Variants in GPR158 observed in about 807,000 individuals in gnomAD.
GPR158 encodes G protein-coupled receptor 158.
In GPR158, 30 loss-of-function variants were observed where a neutral mutation model predicts 78.2. The observed-to-expected ratio is 0.38, with a 90% CI of 0.29 to 0.52. The LOEUF is 0.52. GPR158 is among the 20% of genes least tolerant of loss of function. The probability of loss-of-function intolerance (pLI) is 0.83; values close to 1 mark genes in which losing one functional copy is unlikely to be tolerated. For missense variants in GPR158, 1,463 were observed against 1,523.5 expected (o/e 0.96, Z 0.66); for synonymous variants, 581 against 591.1 (o/e 0.98, Z 0.25).
intron 5 of GPR158, among the ~76,000 whole-genome samples, chr10:25,533,648 G>A (rs897045104): frequency 3.3e-5 from 5 of 151,236 alleles, no homozygotes; most frequent in Admixed American, 2.6e-4. Context: ...TTACCTTGTC[G>A]GCAGTGTTCA....
At chr10:25,403,580 G>A (rs1205755479) in intron 3 of GPR158, among the ~76,000 whole-genome samples, 1 of 152,076 alleles carries the variant, frequency 6.6e-6, no homozygotes, top group African/African-American at 2.4e-5. Context: ...TTGGCATTCT[G>A]TGCATGGAGG....
chr10:25,480,031 C>G (rs1053100493), intron 5 of GPR158, among the ~76,000 whole-genome samples: 4 of 151,906 alleles, frequency 2.6e-5, no homozygotes, highest in South Asian at 2.1e-4. Context: ...TTTCATTTTT[C>G]TCCTCTACAT....
chr10:25,228,770 G>A (rs1856703), intron 2 of GPR158, among the ~76,000 whole-genome samples: 20,246 of 152,046 alleles, frequency 0.13, 1,793 homozygotes, highest in East Asian at 0.28. Flanking sequence ...GGTGGCTCAC[G>A]CCTGTAATCC....
intron 2 of GPR158, among the ~76,000 whole-genome samples, chr10:25,267,790 C>T (rs1428077498): frequency 6.6e-6 from 1 of 151,798 alleles, no homozygotes; most frequent in Non-Finnish European, 1.5e-5. Context: ...AATGATAGGG[C>T]CCAGACTCTT....
At chr10:25,188,206 GC>G (rs1461374655) in intron 1 of GPR158, among the ~76,000 whole-genome samples, 1 of 152,096 alleles carries the variant, frequency 6.6e-6, no homozygotes, top group African/African-American at 2.4e-5. Context: ...TGGCCATACT[GC>G]CCCAGGTAAA....
chr10:25,277,044 G>T (rs563306080), intron 2 of GPR158, among the ~76,000 whole-genome samples: 1 of 151,680 alleles, frequency 6.6e-6, no homozygotes, highest in Admixed American at 6.6e-5. Flanking sequence ...TGAACTCCTG[G>T]GCTCAAGGAA....
At chr10:25,526,850 C>T (rs1001935796) in intron 5 of GPR158, among the ~76,000 whole-genome samples, 2 of 152,182 alleles carry the variant, frequency 1.3e-5, no homozygotes, top group African/African-American at 4.8e-5. Flanking sequence ...TGGAAGCCCA[C>T]TCACAGGCTG....
chr10:25,347,599 G>T (rs1395460298), intron 2 of GPR158, among the ~76,000 whole-genome samples: 1 of 151,882 alleles, frequency 6.6e-6, no homozygotes, highest in Non-Finnish European at 1.5e-5. Flanking sequence ...AAAATACTTG[G>T]TGTGTATTTT....
At chr10:25,219,151 C>T (rs1458272833) in intron 1 of GPR158, among the ~76,000 whole-genome samples, 1 of 152,190 alleles carries the variant, frequency 6.6e-6, no homozygotes, top group Non-Finnish European at 1.5e-5. Context: ...GTCAGTAAGT[C>T]AACGAATGGT....
chr10:25,184,372 T>C (rs1049343075), intron 1 of GPR158, among the ~76,000 whole-genome samples: 1 of 152,150 alleles, frequency 6.6e-6, no homozygotes, highest in Non-Finnish European at 1.5e-5. Flanking sequence ...TTAATTTTAA[T>C]TTTTGTAGAG....
intron 5 of GPR158, among the ~76,000 whole-genome samples, chr10:25,509,670 G>C (rs181184329): frequency 7.9e-4 from 120 of 152,252 alleles, no homozygotes; most frequent in African/African-American, 2.8e-3. Context: ...GGCAATCCAA[G>C]GAGAACACAA....
intron 1 of GPR158, among the ~76,000 whole-genome samples, chr10:25,188,628 T>C (rs1450085508): frequency 6.6e-6 from 1 of 152,080 alleles, no homozygotes; most frequent in Non-Finnish European, 1.5e-5. Flanking sequence ...ATACAAAAAT[T>C]AATTCAAGAT....
intron 2 of GPR158, among the ~76,000 whole-genome samples, chr10:25,332,639 T>G (rs1035519262): frequency 3.3e-5 from 5 of 152,200 alleles, no homozygotes; most frequent in Non-Finnish European, 2.9e-5. Flanking sequence ...AGCCATACTT[T>G]CTGACTTTCA....
intron 2 of GPR158, among the ~76,000 whole-genome samples, chr10:25,281,126 ACT>A (rs1218843318): frequency 7.2e-6 from 1 of 138,182 alleles, no homozygotes; most frequent in African/African-American, 2.8e-5. Context: ...CAAGAGTGAA[ACT>A]CTATCTCAAA....
chr10:25,516,676 G>A (rs1421463527), intron 5 of GPR158, among the ~76,000 whole-genome samples: 3 of 114,004 alleles, frequency 2.6e-5, no homozygotes, highest in East Asian at 2.4e-4. Flanking sequence ...AGATCAGATA[G>A]TTGTAGGTAT....
At chr10:25,233,258 A>G (rs2130697615) in intron 2 of GPR158, among the ~76,000 whole-genome samples, 1 of 152,322 alleles carries the variant, frequency 6.6e-6, no homozygotes, top group East Asian at 1.9e-4. Flanking sequence ...GCTTTCTATT[A>G]TCTTACCATA....
intron 4 of GPR158, among the ~76,000 whole-genome samples, chr10:25,434,218 G>A (rs1217521941): frequency 6.6e-6 from 1 of 152,024 alleles, no homozygotes; most frequent in Admixed American, 6.6e-5. Context: ...ACTCCATCTG[G>A]TGGTAGCAAT....
At chr10:25,495,045 C>A (rs980056559) in intron 5 of GPR158, among the ~76,000 whole-genome samples, 2 of 151,684 alleles carry the variant, frequency 1.3e-5, no homozygotes, top group Non-Finnish European at 2.9e-5. Context: ...TCTGAAGCTG[C>A]AGGTCAATGG....
chr10:25,343,370 T>C (rs187625286), intron 2 of GPR158, among the ~76,000 whole-genome samples: 1 of 152,120 alleles, frequency 6.6e-6, no homozygotes, highest in East Asian at 1.9e-4. Context: ...ATGTAAAAGA[T>C]CTGTGTCACT....
Sources: gnomAD v4.1 joint callset for allele counts (sites outside exome capture counted in the v4.1 genomes callset) on GRCh38, gnomAD v4.1.1 for gene constraint, MANE v1.5 for transcripts, NCBI Gene and HGNC (gene_info 2026-07-23, HGNC 2026-07-21) for gene names.